The following GIMAP8 variants were observed in gnomAD, a reference collection of about 807,000 sequenced individuals.
GIMAP8 encodes the protein GTPase, IMAP family member 8.
Under a neutral mutation model 35.6 loss-of-function variants are expected in GIMAP8, and 29 were observed. The ratio of observed to expected loss-of-function variants is 0.81; its 90% CI spans 0.61 to 1.11. GIMAP8 has a LOEUF of 1.11. Ranked by LOEUF, GIMAP8 falls within the 50% of genes most tolerant of loss-of-function variation. GIMAP8 has a pLI of 0.00. For missense variants in GIMAP8, 811 were observed against 805.0 expected (o/e 1.01, Z -0.09); for synonymous variants, 335 against 308.7 (o/e 1.09, Z -0.89).
rs1686107786 is a variant in GIMAP8 at position 150,478,962 on chromosome 7, T to C, written c.*1182T>C. 1 of 152,264 alleles carries C rather than the reference T, an allele frequency of 6.6e-6. No homozygotes were observed. The highest frequency in any genetic ancestry group is 1.5e-5 in the Non-Finnish European group (1 of 68,050). 9.4% of individuals were successfully genotyped at this position (152,264 alleles called of 1,614,324 possible). The stretch of plus-strand genomic sequence containing the variant: ...GGTAAAATGTTGAGCACTTTGTACA[T>C]GCTTTGAGAGCATAATCTTTGTCAT... On this transcript the variant is annotated 3_prime_UTR_variant, in exon 5 of 5. Coordinates refer to ENST00000307271, the MANE Select transcript of GIMAP8 (RefSeq NM_175571.4).
At position 150,454,265 on chromosome 7, in the gene GIMAP8, G is replaced by T. The variant is rs978413373; in HGVS notation, c.-29+3090G>T. On this transcript the variant is annotated intron_variant, in intron 1 of 4. Transcript: ENST00000307271. ...TTGAATGGGTGGAGAGTCACTGGGG[G>T]TGGGGGGAGGTTTAGAATGAAGCGT... 2.6e-5 allele frequency among the ~76,000 whole-genome samples: 4 copies of T among 152,060 alleles called. No homozygotes were observed. The East Asian group carries it at 7.7e-4, about 29-fold the overall frequency.
intron 2 of GIMAP8, among the ~76,000 whole-genome samples, chr7:150,469,868 TAAAG>T (rs1802050055): frequency 6.6e-6 from 1 of 152,264 alleles, no homozygotes; most frequent in Non-Finnish European, 1.5e-5. Flanking sequence ...TCTATCTACT[TAAAG>T]AATGATGTAG....
Position 150,477,376 on chromosome 7 carries a change from T to A in GIMAP8, c.1594T>A (p.Phe532Ile). Reference sequence around the variant, plus strand: ...AGGGGACACATTTTTTGTCCTGGTGTTCCAGCTGGGACGATTCACTGAAGA... The same window carrying A: ...AGGGGACACATTTTTTGTCCTGGTGATCCAGCTGGGACGATTCACTGAAGA... ...EKGDTFFVLVFQLGRFTEEDK... is the reference protein window; with the variant it reads ...EKGDTFFVLVIQLGRFTEEDK... Residue 532 changes from phenylalanine (F) to isoleucine (I), a missense_variant, in exon 5 of 5, where the codon TTC becomes ATC. Coordinates refer to ENST00000307271, the MANE Select transcript of GIMAP8 (RefSeq NM_175571.4). 6.2e-7 allele frequency: 1 copy of A among 1,614,202 alleles called. No homozygotes were observed. Among genetic ancestry groups the A allele is most frequent in the Non-Finnish European group, 8.5e-7 (1 of 1,180,036 alleles).
At chr7:150,453,111 T>C (rs1052058926) in intron 1 of GIMAP8, among the ~76,000 whole-genome samples, 1 of 151,790 alleles carries the variant, frequency 6.6e-6, no homozygotes, top group African/African-American at 2.4e-5. Context: ...CATTTAAAAA[T>C]AAAATTAATA....
intron 1 of GIMAP8, among the ~76,000 whole-genome samples, chr7:150,464,149 G>A (rs1418857605): frequency 6.6e-6 from 1 of 152,172 alleles, no homozygotes; most frequent in East Asian, 1.9e-4. Flanking sequence ...CTCATACAGA[G>A]TTTACATTAG....
In GIMAP8 at chr7:150,466,908, CT is replaced by C; in HGVS notation, c.211del (p.Ser71ProfsTer3). 1.2e-6 allele frequency: 2 copies of C among 1,614,246 alleles called. No individual in the cohort carries two copies. The highest frequency in any genetic ancestry group is 1.7e-6 in the Non-Finnish European group (2 of 1,180,046). On this transcript the variant is annotated frameshift_variant, in exon 2 of 5. Transcript: ENST00000307271. LOFTEE classifies it high-confidence loss of function. ...VVVIDTPDLF[S>X]SIACAEDKQR... is the part of the protein sequence containing the mutation. ...TGGTAATTGACACCCCTGACCTTTT[CT>C]CCTCAATAGCTTGTGCTGAAGACAA...
At position 150,467,180 on chromosome 7, in the gene GIMAP8, A is replaced by C. The variant is rs145618535; in HGVS notation, c.482A>C (p.Tyr161Ser). Residue 161 changes from tyrosine to serine, a missense_variant, in exon 2 of 5, where the codon TAT becomes TCT. Transcript: ENST00000307271. ...CCTCTCAAGCAGTTGGTTCAAGACT[A>C]TGAGGGCCGATACTGCATTTTCAAC... Reference protein sequence around the residue: ...NKPLKQLVQDYEGRYCIFNNK... With the variant: ...NKPLKQLVQDSEGRYCIFNNK... 1 of 1,614,228 alleles carries C rather than the reference A, an allele frequency of 6.2e-7. No individual in the cohort carries two copies. Among genetic ancestry groups the C allele is most frequent in the Admixed American group, 1.7e-5 (1 of 60,026 alleles).
At position 150,469,127 on chromosome 7, in the gene GIMAP8, C is replaced by T. The variant is rs181536101; in HGVS notation, c.637-1702C>T. ...TGGCTTGACTCCTTGCCCTGTGCTC[C>T]GCTGTCTATGCCTTGGTCCTGCTGG... is the stretch of plus-strand genomic sequence containing the variant. On this transcript the variant is annotated intron_variant, in intron 2 of 4. Coordinates refer to ENST00000307271, the MANE Select transcript of GIMAP8 (RefSeq NM_175571.4). Among the ~76,000 whole-genome samples, 88 of 152,326 alleles carry T rather than the reference C, an allele frequency of 5.8e-4. No individual in the cohort carries two copies. In the Middle Eastern group the frequency reaches 0.01, roughly 18 times the overall value.
Position 150,457,262 on chromosome 7 carries a change from C to T in GIMAP8, c.-29+6087C>T, listed in dbSNP as rs142010205. 7.0e-3 allele frequency among the ~76,000 whole-genome samples: 1,061 copies of T among 152,346 alleles called. 15 individuals are homozygous for T. The highest frequency in any genetic ancestry group is 0.024 in the African/African-American group (1,011 of 41,570). Reference sequence around the variant, plus strand: ...CATTGTTTGTGGTTTAGGAACACCTCGAGCGATTTTCCGCCCTGGGTGGGC... The same window carrying T: ...CATTGTTTGTGGTTTAGGAACACCTTGAGCGATTTTCCGCCCTGGGTGGGC... On this transcript the variant is annotated intron_variant, in intron 1 of 4. Transcript: ENST00000307271.
rs1801598702 is a variant in GIMAP8, at chr7:150,451,223, CTG to C, written c.-29+51_-29+52del. 1 of 152,366 alleles carries C rather than the reference CTG, an allele frequency of 6.6e-6. No homozygotes were observed. 9.4% of individuals were successfully genotyped at this position (152,366 alleles called of 1,614,324 possible). A position where few individuals can be genotyped will look rare whatever the true frequency, so the allele number is the denominator to read the frequency against. ...CAGGTGGATTGCGGAGCCTCGGAGACTGTGGGACGCCGTGGGACCCCATGGGA... is the reference window on the plus strand; with the variant it reads ...CAGGTGGATTGCGGAGCCTCGGAGACTGGGACGCCGTGGGACCCCATGGGA... On this transcript the variant is annotated intron_variant, in intron 1 of 4. Transcript: ENST00000307271. This position sits in a 1 kb window ranked among gnomAD's most constrained non-coding sequence, Gnocchi z 4.1.
At position 150,455,842 on chromosome 7, in the gene GIMAP8, C is replaced by T. The variant is rs143090224; in HGVS notation, c.-29+4667C>T. ...TTAAATCATCAGAATATTAAGTGCT[C>T]ATTTAACAAAGAGTTGGTCTCTGGG... is the stretch of plus-strand genomic sequence containing the variant. On this transcript the variant is annotated intron_variant, in intron 1 of 4. Coordinates refer to ENST00000307271, the MANE Select transcript of GIMAP8 (RefSeq NM_175571.4). Among the ~76,000 whole-genome samples the T allele has an allele frequency of 2.0e-4, 31 of 152,326 alleles. No homozygotes were observed. In the East Asian group the frequency reaches 4.8e-3, roughly 24 times the overall value.
chr7:150,479,000 C>T lies in GIMAP8; in HGVS notation c.*1220C>T, dbSNP rs1440417793. 1 of 152,024 alleles carries T rather than the reference C, an allele frequency of 6.6e-6. No individual in the cohort carries two copies. Among genetic ancestry groups the T allele is most frequent in the Non-Finnish European group, 1.5e-5 (1 of 68,008 alleles). 9.4% of individuals were successfully genotyped at this position (152,024 alleles called of 1,614,324 possible). A position where few individuals can be genotyped will look rare whatever the true frequency, so the allele number is the denominator to read the frequency against. On this transcript the variant is annotated 3_prime_UTR_variant, in exon 5 of 5. Coordinates refer to ENST00000307271, the MANE Select transcript of GIMAP8 (RefSeq NM_175571.4). Reference sequence around the variant, plus strand: ...TAATCTTTGTCATCTGTTTTTTTCCCCTAGACAATATCAGGTTACCGTCAA... The same window carrying T: ...TAATCTTTGTCATCTGTTTTTTTCCTCTAGACAATATCAGGTTACCGTCAA...
chr7:150,459,963 A>C (rs926469890), intron 1 of GIMAP8, among the ~76,000 whole-genome samples: 2 of 152,256 alleles, frequency 1.3e-5, no homozygotes, highest in Non-Finnish European at 2.9e-5. Context: ...AAGTGGTCCA[A>C]TGAAATCAAT....
intron 1 of GIMAP8, among the ~76,000 whole-genome samples, chr7:150,462,286 G>T (rs1278164853): frequency 1.3e-5 from 2 of 152,160 alleles, no homozygotes; most frequent in East Asian, 3.8e-4. Context: ...ATGTCACAGG[G>T]GATATGATGG....
At chr7:150,471,421 G>A (rs1802087346) in intron 3 of GIMAP8, among the ~76,000 whole-genome samples, 1 of 152,228 alleles carries the variant, frequency 6.6e-6, no homozygotes, top group African/African-American at 2.4e-5. Flanking sequence ...GGATTTGCAG[G>A]TTATTTCTGG....
At position 150,451,694 on chromosome 7, in the gene GIMAP8, C is replaced by T. The variant is rs527421491; in HGVS notation, c.-29+519C>T. On this transcript the variant is annotated intron_variant, in intron 1 of 4. Coordinates refer to ENST00000307271, the MANE Select transcript of GIMAP8 (RefSeq NM_175571.4). This position sits in a 1 kb window ranked among gnomAD's most constrained non-coding sequence, Gnocchi z 4.1. ...AGGAGGAAGCCAGCGGAGCTCCTCC[C>T]GCAAAGCAGGGGGTGGGGGATGCTG... Among the ~76,000 whole-genome samples, 43 of 152,284 alleles carry T rather than the reference C, an allele frequency of 2.8e-4. No individual in the cohort carries two copies. The highest frequency in any genetic ancestry group is 1.0e-3 in the African/African-American group (43 of 41,560).
In GIMAP8 at chr7:150,467,017, A is replaced by G. The variant is rs754574138; in HGVS notation, c.319A>G (p.Thr107Ala). 4 of 1,614,208 alleles carry G rather than the reference A, an allele frequency of 2.5e-6. No homozygotes were observed. In the East Asian group the frequency reaches 8.9e-5, roughly 36 times the overall value. ...LLLVIAIGHF[T>A]REDEETAKGI... ...CTTGGTAATTGCCATCGGCCATTTC[A>G]CAAGGGAGGATGAGGAAACAGCCAA... Residue 107 changes from threonine (T) to alanine (A), a missense_variant, in exon 2 of 5, where the codon ACA becomes GCA. Thr to Ala is a moderately conservative substitution (Grantham distance 58). Coordinates refer to ENST00000307271, the MANE Select transcript of GIMAP8 (RefSeq NM_175571.4).
intron 1 of GIMAP8, among the ~76,000 whole-genome samples, chr7:150,458,171 A>G (rs1163552941): frequency 6.6e-6 from 1 of 152,140 alleles, no homozygotes; most frequent in Non-Finnish European, 1.5e-5. Flanking sequence ...TGTGTAAGAT[A>G]CTTATTTGAG....
At chr7:150,475,340 T>C (rs1390700647) in intron 4 of GIMAP8, among the ~76,000 whole-genome samples, 1 of 152,244 alleles carries the variant, frequency 6.6e-6, no homozygotes, top group Admixed American at 6.5e-5. Flanking sequence ...GTCTGTTCTA[T>C]GGACTAACTC....
Sources: allele counts gnomAD v4.1 joint callset (sites outside exome capture counted in the v4.1 genomes callset), GRCh38; gene constraint gnomAD v4.1.1; non-coding constraint Gnocchi (gnomAD v3.1); transcripts MANE v1.5; gene names NCBI Gene and HGNC (gene_info 2026-07-23, HGNC 2026-07-21).